PRDM11: variants seen among roughly 807,000 people sequenced by gnomAD.
PRDM11 encodes the protein PR domain-containing protein 11.
In PRDM11, 20 loss-of-function variants were observed where a neutral mutation model predicts 97.8. The observed-to-expected ratio is 0.20, with a 90% CI of 0.14 to 0.30. The LOEUF (loss-of-function observed/expected upper bound fraction) is 0.30, where lower values mean the gene tolerates loss of function less well. Ranked by LOEUF, PRDM11 falls within the 10% of genes least tolerant of loss-of-function variation. The pLI is 1.00. For synonymous variants in PRDM11, 599 were observed against 637.7 expected, an observed-to-expected ratio of 0.94 and a Z score of 0.91; for missense variants, 1,139 against 1,555.2, an observed-to-expected ratio of 0.73 and a Z score of 4.50.
At chr11:45,108,804 C>T (rs915826660) in intron 1 of PRDM11, among the ~76,000 whole-genome samples, 1 of 152,256 alleles carries the variant, frequency 6.6e-6, no homozygotes, top group Non-Finnish European at 1.5e-5. Context: ...GAAATACCCA[C>T]TAATGCCAAC....
chr11:45,183,174 G>A, intron 4 of PRDM11, 51 bp downstream of exon 4: 1 of 1,567,038 alleles, frequency 6.4e-7, no homozygotes, highest in Non-Finnish European at 8.6e-7. Flanking sequence ...AAACATGGAA[G>A]GAAACCACCA....
At chr11:45,158,989 C>G (rs531423975) in intron 1 of PRDM11, among the ~76,000 whole-genome samples, 4 of 152,124 alleles carry the variant, frequency 2.6e-5, no homozygotes, top group East Asian at 1.9e-4. Flanking sequence ...CTCCTTGAGC[C>G]CCCCCTTCCT....
chr11:45,218,192 A>G (rs1409675111), intron 5 of PRDM11, among the ~76,000 whole-genome samples: 1 of 152,196 alleles, frequency 6.6e-6, no homozygotes, highest in East Asian at 1.9e-4. Context: ...GCTATACACA[A>G]TGATACAAGT....
At position 45,169,901 on chromosome 11, in the gene PRDM11, A is replaced by G. The variant is rs536866450; in HGVS notation, c.-6-11860A>G. ...TTCGATAAATGTTTATCATGTGCCT[A>G]TCTTGCACCAGGCACTGCTCTAGTT... is the stretch of plus-strand genomic sequence containing the variant. On this transcript the variant is annotated intron_variant, in intron 1 of 7. Coordinates refer to ENST00000683152, the MANE Select transcript of PRDM11 (RefSeq NM_001384648.1). Among the ~76,000 whole-genome samples, 210 of 152,308 alleles carry G rather than the reference A, an allele frequency of 1.4e-3. 1 individual carries two copies. The highest frequency in any genetic ancestry group is 4.4e-3 in the African/African-American group (183 of 41,554).
In PRDM11 at chr11:45,170,796, C is replaced by G. The variant is rs997359608; in HGVS notation, c.-6-10965C>G. 2.6e-5 allele frequency among the ~76,000 whole-genome samples: 4 copies of G among 152,098 alleles called. No homozygotes were observed. The South Asian group carries it at 6.2e-4, about 24-fold the overall frequency. On this transcript the variant is annotated intron_variant, in intron 1 of 7. Transcript: ENST00000683152. ...AGTGGAAGGAGGGACACGAGTCAGG[C>G]TGTCTCTGAAGCCATTCCGGGAAGA...
intron 1 of PRDM11, among the ~76,000 whole-genome samples, chr11:45,150,158 C>T (rs1851624976): frequency 6.6e-6 from 1 of 152,176 alleles, no homozygotes; most frequent in Admixed American, 6.5e-5. Context: ...GCTGTTCCTT[C>T]TGCCCTGACC....
At chr11:45,220,774 G>A (rs959023790) in intron 6 of PRDM11, among the ~76,000 whole-genome samples, 7 of 152,186 alleles carry the variant, frequency 4.6e-5, no homozygotes, top group South Asian at 4.1e-4. Context: ...GTGGGAAGCC[G>A]GGTGGGTTCG....
At chr11:45,136,146 T>C (rs1405208457) in intron 1 of PRDM11, among the ~76,000 whole-genome samples, 1 of 152,244 alleles carries the variant, frequency 6.6e-6, no homozygotes, top group Admixed American at 6.5e-5. Context: ...GAACTCTTTG[T>C]AATAGCTTTG....
At chr11:45,197,803 T>G (rs1418437546) in intron 4 of PRDM11, among the ~76,000 whole-genome samples, 1 of 151,898 alleles carries the variant, frequency 6.6e-6, no homozygotes, top group Non-Finnish European at 1.5e-5. Context: ...TTCTCACTCA[T>G]AGGTGGGAAT....
intron 1 of PRDM11, among the ~76,000 whole-genome samples, chr11:45,164,352 A>G (rs1852007888): frequency 6.6e-6 from 1 of 152,254 alleles, no homozygotes; most frequent in African/African-American, 2.4e-5. Flanking sequence ...CTGGGAGGCC[A>G]GCCTGAGCTG....
At chr11:45,147,857 G>T (rs1294666623) in intron 1 of PRDM11, among the ~76,000 whole-genome samples, 1 of 152,178 alleles carries the variant, frequency 6.6e-6, no homozygotes, top group African/African-American at 2.4e-5. Context: ...AATTTAGAGT[G>T]GCTGTAAGGA....
chr11:45,164,474 G>A (rs758753933), intron 1 of PRDM11, among the ~76,000 whole-genome samples: 28 of 152,338 alleles, frequency 1.8e-4, no homozygotes, highest in Non-Finnish European at 3.1e-4. Flanking sequence ...ATCTGGGGGC[G>A]TGCAAGAGAA....
At chr11:45,209,500 C>G (rs1853639895) in intron 5 of PRDM11, among the ~76,000 whole-genome samples, 1 of 152,218 alleles carries the variant, frequency 6.6e-6, no homozygotes, top group South Asian at 2.1e-4. Flanking sequence ...CATCTCCGTG[C>G]CAGAGCCGTG....
chr11:45,146,458 A>G (rs1332061297), upstream of PRDM11, among the ~76,000 whole-genome samples: 1 of 151,730 alleles, frequency 6.6e-6, no homozygotes, highest in Non-Finnish European at 1.5e-5. Context: ...GGATTATAAA[A>G]CGCTCCCTCT....
intron 4 of PRDM11, among the ~76,000 whole-genome samples, chr11:45,186,231 G>C (rs114825024): frequency 2.0e-4 from 31 of 152,212 alleles, no homozygotes; most frequent in Admixed American, 1.1e-3. Flanking sequence ...TTATGTTTGT[G>C]GGGGGACATC....
At chr11:45,215,500 T>G (rs2135830432) in intron 5 of PRDM11, among the ~76,000 whole-genome samples, 1 of 152,336 alleles carries the variant, frequency 6.6e-6, no homozygotes, top group Admixed American at 6.5e-5. Context: ...AAGCAGTGAC[T>G]GGCTGGCTGC....
At chr11:45,212,336 G>A (rs571173434) in intron 5 of PRDM11, 14 of 322,268 alleles carry the variant, frequency 4.3e-5, no homozygotes, top group Non-Finnish European at 7.4e-5. Context: ...CTCTATGGGC[G>A]GGGGCCAAAC....
chr11:45,210,068 AG>A (rs751304927), intron 5 of PRDM11, among the ~76,000 whole-genome samples: 1 of 151,928 alleles, frequency 6.6e-6, no homozygotes, highest in Non-Finnish European at 1.5e-5. Context: ...AGCGCGGGGG[AG>A]GGGGCTGGAG....
At chr11:45,172,163 C>T (rs372202877) in intron 1 of PRDM11, among the ~76,000 whole-genome samples, 9 of 152,212 alleles carry the variant, frequency 5.9e-5, no homozygotes, top group East Asian at 1.9e-4. Context: ...AACTCAGGAA[C>T]GGCCAGATGG....
Sources: gnomAD v4.1 joint callset for allele counts (sites outside exome capture counted in the v4.1 genomes callset) on GRCh38, gnomAD v4.1.1 for gene constraint, MANE v1.5 for transcripts, NCBI Gene and HGNC (gene_info 2026-07-23, HGNC 2026-07-21) for gene names.